FRMD5: variants seen among roughly 807,000 people sequenced by gnomAD.
The protein encoded by FRMD5 is FERM domain-containing protein 5.
FRMD5 carries 20 observed loss-of-function variants against 69.0 expected under a neutral mutation model. The observed-to-expected ratio is 0.29, with a 90% confidence interval of 0.20 to 0.42. The LOEUF is 0.42. Among genes scored for constraint, FRMD5 ranks in the 10% least tolerant of loss-of-function variants. FRMD5 has a pLI of 1.00. For missense variants in FRMD5, 595 were observed against 708.6 expected (o/e 0.84, Z 1.82); for synonymous variants, 271 against 260.1 (o/e 1.04, Z -0.40).
chr15:44,186,157 C>G (rs190142335), intron 1 of FRMD5, among the ~76,000 whole-genome samples: 13 of 152,268 alleles, frequency 8.5e-5, no homozygotes, highest in African/African-American at 2.9e-4. Flanking sequence ...AAACTCCAGA[C>G]CTCAGGGGAT....
intron 1 of FRMD5, among the ~76,000 whole-genome samples, chr15:43,938,144 T>C (rs935364234): frequency 2.1e-5 from 3 of 144,558 alleles, no homozygotes; most frequent in Non-Finnish European, 4.5e-5. Context: ...GGCAGGAGAA[T>C]GGTGTCAACC....
chr15:43,883,487 C>A (rs530043447), intron 13 of FRMD5, among the ~76,000 whole-genome samples: 2 of 152,204 alleles, frequency 1.3e-5, no homozygotes, highest in Non-Finnish European at 2.9e-5. Flanking sequence ...TAACCCAGCA[C>A]CCTCAAATCC....
chr15:44,018,674 C>A (rs1319504752), intron 1 of FRMD5, among the ~76,000 whole-genome samples: 3 of 152,082 alleles, frequency 2.0e-5, no homozygotes, highest in Admixed American at 2.0e-4. Flanking sequence ...AGGAGAAAGC[C>A]CTGGCTTCCA....
chr15:43,952,256 A>G (rs1398264682), intron 1 of FRMD5, among the ~76,000 whole-genome samples: 5 of 152,176 alleles, frequency 3.3e-5, no homozygotes, highest in African/African-American at 7.2e-5. Context: ...AATACATTCT[A>G]TCAGGGAGCT....
At chr15:44,176,229 T>C (rs765669821) in intron 1 of FRMD5, among the ~76,000 whole-genome samples, 3 of 152,214 alleles carry the variant, frequency 2.0e-5, no homozygotes, top group South Asian at 4.1e-4. Context: ...TAAACCCATA[T>C]ATTTATGGTC....
intron 1 of FRMD5, among the ~76,000 whole-genome samples, chr15:44,013,669 G>C (rs1431777689): frequency 6.6e-6 from 1 of 152,044 alleles, no homozygotes; most frequent in Non-Finnish European, 1.5e-5. Context: ...CTCTCCTATG[G>C]TTCATTCTCT....
Position 44,093,151 on chromosome 15 carries a change from C to T in FRMD5, c.102+101802G>A, listed in dbSNP as rs534238443. On this transcript the variant is annotated intron_variant, in intron 1 of 13. Transcript: ENST00000417257. ...TTCACCATGTTGGTCAGGATGGTCT[C>T]GATCTCTTAACCTCGTGATCCACCC... is the stretch of plus-strand genomic sequence containing the variant. 9.9e-4 allele frequency among the ~76,000 whole-genome samples: 150 copies of T among 152,036 alleles called. 1 individual carries two copies. The highest frequency in any genetic ancestry group is 2.7e-3 in the African/African-American group (114 of 41,462).
chr15:43,918,644 T>C (rs1226179942), intron 4 of FRMD5, among the ~76,000 whole-genome samples: 1 of 152,198 alleles, frequency 6.6e-6, no homozygotes, highest in African/African-American at 2.4e-5. Context: ...AGCTCTAGGA[T>C]TCCCTGGCAT....
At chr15:44,000,618 C>A (rs1487393730) in intron 1 of FRMD5, among the ~76,000 whole-genome samples, 4 of 152,072 alleles carry the variant, frequency 2.6e-5, no homozygotes, top group African/African-American at 4.8e-5. Flanking sequence ...TGCCACCACA[C>A]CCAGCTAATT....
intron 1 of FRMD5, among the ~76,000 whole-genome samples, chr15:44,099,654 T>C (rs1413551147): frequency 6.6e-6 from 1 of 152,196 alleles, no homozygotes; most frequent in African/African-American, 2.4e-5. Context: ...TCAAGAGAGA[T>C]GGAGATTGTT....
chr15:44,086,926 C>G (rs976604393), intron 1 of FRMD5, among the ~76,000 whole-genome samples: 2 of 152,108 alleles, frequency 1.3e-5, no homozygotes, highest in South Asian at 2.1e-4. Flanking sequence ...TTTCCATTCA[C>G]TGTAAAAATC....
At chr15:44,008,242 C>G (rs925660092) in intron 1 of FRMD5, among the ~76,000 whole-genome samples, 18 of 150,066 alleles carry the variant, frequency 1.2e-4, no homozygotes, top group Middle Eastern at 3.6e-3. Flanking sequence ...TTTCTAGAAG[C>G]CTTTATTTCA....
chr15:44,138,937 G>A (rs760185903), intron 1 of FRMD5, among the ~76,000 whole-genome samples: 1 of 152,058 alleles, frequency 6.6e-6, no homozygotes, highest in Non-Finnish European at 1.5e-5. Flanking sequence ...CCTATGACTG[G>A]GGCGACAGAA....
chr15:44,095,465 A>G (rs903090613), intron 1 of FRMD5, among the ~76,000 whole-genome samples: 2 of 152,110 alleles, frequency 1.3e-5, no homozygotes, highest in African/African-American at 4.8e-5. Context: ...TTGGCCTCCC[A>G]AAGTAATGGG....
rs931882190 is a variant in FRMD5, at chr15:43,929,287, T to A, written c.103-4978A>T. ...AAGGTTAATTGCATTTTCTGTCTCATCATCGATATCCATGGGCAGGAGAGG... is the reference window on the plus strand; with the variant it reads ...AAGGTTAATTGCATTTTCTGTCTCAACATCGATATCCATGGGCAGGAGAGG... On this transcript the variant is annotated intron_variant, in intron 1 of 13. Coordinates refer to ENST00000417257, the MANE Select transcript of FRMD5 (RefSeq NM_032892.5). 2.7e-4 allele frequency among the ~76,000 whole-genome samples: 41 copies of A among 152,208 alleles called. 1 individual carries two copies. The highest frequency in any genetic ancestry group is 2.7e-3 in the Admixed American group (41 of 15,288).
intron 4 of FRMD5, among the ~76,000 whole-genome samples, chr15:43,918,639 TA>T (rs1203520714): frequency 6.6e-6 from 1 of 152,202 alleles, no homozygotes; most frequent in Non-Finnish European, 1.5e-5. Flanking sequence ...TCCTCAGCTC[TA>T]GGATTCCCTG....
intron 1 of FRMD5, among the ~76,000 whole-genome samples, chr15:44,025,721 T>C (rs554254695): frequency 1.3e-5 from 2 of 152,234 alleles, no homozygotes; most frequent in African/African-American, 4.8e-5. Flanking sequence ...GTATTAAATA[T>C]GAATAGTATA....
chr15:44,157,224 A>T (rs1307595358), intron 1 of FRMD5, among the ~76,000 whole-genome samples: 2 of 152,240 alleles, frequency 1.3e-5, no homozygotes, highest in Non-Finnish European at 2.9e-5. Context: ...TCCTTTCTTC[A>T]TGAAAAGTAA....
At chr15:44,157,755 T>C (rs2077550979) in intron 1 of FRMD5, among the ~76,000 whole-genome samples, 2 of 152,168 alleles carry the variant, frequency 1.3e-5, no homozygotes, top group African/African-American at 4.8e-5. Flanking sequence ...AAGAGTACAA[T>C]TCAGGAGATG....
Sources: gnomAD v4.1 joint callset for allele counts (sites outside exome capture counted in the v4.1 genomes callset) on GRCh38, gnomAD v4.1.1 for gene constraint, MANE v1.5 for transcripts, NCBI Gene and HGNC (gene_info 2026-07-23, HGNC 2026-07-21) for gene names.